The following ANK3 variants were observed in gnomAD, a reference collection of about 807,000 sequenced individuals.
ANK3 encodes the protein ankyrin-3.
In ANK3, 57 loss-of-function variants were observed where a neutral mutation model predicts 370.9. The ratio of observed to expected loss-of-function variants is 0.15; its 90% CI spans 0.12 to 0.19. The LOEUF is 0.19. Among genes scored for constraint, ANK3 ranks in the 10% least tolerant of loss-of-function variants. The pLI, the probability that ANK3 is intolerant of heterozygous loss-of-function variation, is 1.00. For missense variants in ANK3, 4,439 were observed against 5,302.1 expected, an observed-to-expected ratio of 0.84 and a Z score of 5.06; for synonymous variants, 1,929 against 1,946.3, an observed-to-expected ratio of 0.99 and a Z score of 0.23.
intron 1 of ANK3, among the ~76,000 whole-genome samples, chr10:60,317,466 T>C (rs1163723191): frequency 1.3e-5 from 2 of 152,110 alleles, no homozygotes; most frequent in Non-Finnish European, 2.9e-5. Flanking sequence ...TCCCCCATCC[T>C]CCTTAGCCTG....
intron 1 of ANK3, among the ~76,000 whole-genome samples, chr10:60,298,247 A>G (rs1372311164): frequency 1.3e-5 from 2 of 152,288 alleles, no homozygotes; most frequent in Middle Eastern, 3.4e-3. Context: ...TCAATCATTT[A>G]TGTCAAAACT....
chr10:60,333,611 T>C (rs61924688), intron 1 of ANK3, among the ~76,000 whole-genome samples: 2 of 152,184 alleles, frequency 1.3e-5, no homozygotes, highest in Admixed American at 6.5e-5. Flanking sequence ...AATAAACATA[T>C]GTGTGCATGT....
intron 2 of ANK3, among the ~76,000 whole-genome samples, chr10:60,501,700 T>A: frequency 1.6e-5 from 2 of 125,782 alleles, no homozygotes; most frequent in Admixed American, 9.0e-5. Flanking sequence ...AGTGAGACTC[T>A]GTCTCAAAAA....
chr10:60,413,317 G>C (rs1302652533), intron 2 of ANK3, among the ~76,000 whole-genome samples: 1 of 152,214 alleles, frequency 6.6e-6, no homozygotes, highest in East Asian at 1.9e-4. Flanking sequence ...ATATGAAACT[G>C]TGGGCTACCA....
chr10:60,571,478 A>G (rs1229834876), intron 2 of ANK3, among the ~76,000 whole-genome samples: 2 of 152,232 alleles, frequency 1.3e-5, no homozygotes, highest in African/African-American at 4.8e-5. Flanking sequence ...AGCATACATT[A>G]CATTGGGCCA....
intron 36 of ANK3, among the ~76,000 whole-genome samples, chr10:60,078,033 G>T (rs1347256271): frequency 6.6e-6 from 1 of 152,226 alleles, no homozygotes; most frequent in African/African-American, 2.4e-5. Context: ...TCAGAGATTT[G>T]CAAGGCCTGC....
chr10:60,692,185 C>T (rs1316060846), intron 1 of ANK3, among the ~76,000 whole-genome samples: 2 of 152,218 alleles, frequency 1.3e-5, no homozygotes, highest in African/African-American at 4.8e-5. Context: ...TTGCATAAAA[C>T]ATTCTTGTGA....
intron 23 of ANK3, among the ~76,000 whole-genome samples, chr10:60,153,562 G>A (rs1458872244): frequency 6.6e-6 from 1 of 152,140 alleles, no homozygotes; most frequent in African/African-American, 2.4e-5. Context: ...TTTTCAAGGG[G>A]TATGTTTAGG....
chr10:60,268,247 C>T (rs1185000002), intron 5 of ANK3, among the ~76,000 whole-genome samples: 1 of 152,154 alleles, frequency 6.6e-6, no homozygotes, highest in Non-Finnish European at 1.5e-5. Context: ...AAAAATAGTA[C>T]ATTCTCATGA....
intron 23 of ANK3, among the ~76,000 whole-genome samples, chr10:60,147,210 C>A (rs981158774): frequency 6.6e-6 from 1 of 152,170 alleles, no homozygotes; most frequent in African/African-American, 2.4e-5. Context: ...GCTGGAGGAC[C>A]CGCAAGCCTT....
chr10:60,273,054 C>T (rs971779659), intron 4 of ANK3, among the ~76,000 whole-genome samples: 10 of 152,046 alleles, frequency 6.6e-5, no homozygotes, highest in African/African-American at 2.2e-4. Flanking sequence ...TCTTACAGAC[C>T]GGGAGTTTCT....
intron 16 of ANK3, among the ~76,000 whole-genome samples, chr10:60,195,577 G>A (rs2096574288): frequency 6.6e-6 from 1 of 151,976 alleles, no homozygotes. Context: ...TGTCTTTAAG[G>A]AAGCTCTTCT....
At chr10:60,690,331 C>T (rs75930774) in intron 1 of ANK3, among the ~76,000 whole-genome samples, 3 of 152,140 alleles carry the variant, frequency 2.0e-5, no homozygotes, top group Non-Finnish European at 4.4e-5. Context: ...CTTTCCTTTT[C>T]CTAGCCAAGC....
chr10:60,699,843 A>T (rs1479155489), intron 1 of ANK3, among the ~76,000 whole-genome samples: 1 of 152,194 alleles, frequency 6.6e-6, no homozygotes, highest in Non-Finnish European at 1.5e-5. Context: ...GTATCATTTT[A>T]AAATAACATA....
At chr10:60,039,417 T>TA (rs1185363943) in intron 43 of ANK3, among the ~76,000 whole-genome samples, 1 of 152,172 alleles carries the variant, frequency 6.6e-6, no homozygotes, top group African/African-American at 2.4e-5. Flanking sequence ...GTATTTGAAG[T>TA]AAAAATCTAG....
chr10:60,623,494 G>A (rs1287919589), intron 1 of ANK3, among the ~76,000 whole-genome samples: 2 of 152,006 alleles, frequency 1.3e-5, no homozygotes, highest in East Asian at 3.9e-4. Flanking sequence ...AGTAACCTGG[G>A]ACCACTTTGA....
chr10:60,422,357 G>A (rs900264012), intron 2 of ANK3, among the ~76,000 whole-genome samples: 2 of 151,050 alleles, frequency 1.3e-5, no homozygotes, highest in African/African-American at 4.9e-5. Context: ...TGCTTCACAT[G>A]TTATTAGCAA....
At chr10:60,637,404 G>C (rs1289878245) in intron 1 of ANK3, among the ~76,000 whole-genome samples, 1 of 152,180 alleles carries the variant, frequency 6.6e-6, no homozygotes, top group Non-Finnish European at 1.5e-5. Flanking sequence ...GCTATTGAGG[G>C]TGTGCCAAAA....
chr10:60,347,668 A>G (rs563689558), intron 1 of ANK3, among the ~76,000 whole-genome samples: 1 of 152,246 alleles, frequency 6.6e-6, no homozygotes, highest in African/African-American at 2.4e-5. Context: ...AATTGATACA[A>G]TCATAAATCT....
Sources: gnomAD v4.1 joint callset for allele counts (sites outside exome capture counted in the v4.1 genomes callset) on GRCh38, gnomAD v4.1.1 for gene constraint, MANE v1.5 for transcripts, NCBI Gene and HGNC (gene_info 2026-07-23, HGNC 2026-07-21) for gene names.